NAV3: variants seen among roughly 807,000 people sequenced by gnomAD.
The protein encoded by NAV3 is neuron navigator 3.
NAV3 carries 87 observed loss-of-function variants against 244.7 expected under a neutral mutation model. The observed-to-expected ratio is 0.36, with a 90% confidence interval of 0.30 to 0.42. The LOEUF (loss-of-function observed/expected upper bound fraction) is 0.42. NAV3 is among the 20% of genes least tolerant of loss of function. NAV3 has a pLI of 1.00. For missense variants in NAV3, 2,663 were observed against 2,893.3 expected, an observed-to-expected ratio of 0.92 and a Z score of 1.83; for synonymous variants, 1,126 against 1,042.2, an observed-to-expected ratio of 1.08 and a Z score of -1.55.
chr12:78,108,733 T>C (rs1188772183), intron 12 of NAV3, among the ~76,000 whole-genome samples: 1 of 151,982 alleles, frequency 6.6e-6, no homozygotes. Flanking sequence ...GAAATTAAGC[T>C]GAAAATCAAA....
intron 2 of NAV3, among the ~76,000 whole-genome samples, chr12:77,810,820 A>C (rs1447979139): frequency 6.6e-6 from 1 of 152,214 alleles, no homozygotes; most frequent in Non-Finnish European, 1.5e-5. Flanking sequence ...ATACAAATTA[A>C]GTTGGTTTCT....
rs758144510 is a variant in NAV3 at position 78,119,910 on chromosome 12, C to A, written c.3714C>A (p.Ser1238=). The A allele has an allele frequency of 6.2e-7, 1 of 1,613,910 alleles. No individual in the cohort carries two copies. Among genetic ancestry groups the A allele is most frequent in the South Asian group, 1.1e-5 (1 of 91,074 alleles). Reference sequence around the variant, plus strand: ...CACAAGGTCTCAGGCAGCCAGGATCCAAGTATCCAGATATTGCCTCACCCA... The same window carrying A: ...CACAAGGTCTCAGGCAGCCAGGATCAAAGTATCCAGATATTGCCTCACCCA... ...CGAQGLRQPG[S]KYPDIASPTF... Residue 1238 remains serine (S), a synonymous_variant, in exon 15 of 40, where the codon TCC becomes TCA. Transcript: ENST00000397909.
At chr12:78,152,552 A>G (rs1422547052) in intron 22 of NAV3, among the ~76,000 whole-genome samples, 1 of 151,842 alleles carries the variant, frequency 6.6e-6, no homozygotes, top group Non-Finnish European at 1.5e-5. Context: ...GTCATTTTAG[A>G]TTTCATGCAT....
chr12:77,838,893 T>C (rs1241068098), intron 1 of NAV3, among the ~76,000 whole-genome samples: 1 of 152,198 alleles, frequency 6.6e-6, no homozygotes, highest in Non-Finnish European at 1.5e-5. Context: ...ATGAGGATAA[T>C]AGTTGCTTAT....
chr12:77,780,629 C>A (rs1405682599), intron 2 of NAV3, among the ~76,000 whole-genome samples: 1 of 152,128 alleles, frequency 6.6e-6, no homozygotes, highest in Non-Finnish European at 1.5e-5. Context: ...TGAAGTTAGG[C>A]TCCTGGGTCC....
At chr12:77,975,192 A>C (rs954534062) in intron 5 of NAV3, among the ~76,000 whole-genome samples, 1 of 152,086 alleles carries the variant, frequency 6.6e-6, no homozygotes, top group African/African-American at 2.4e-5. Flanking sequence ...TGCTCCTACC[A>C]CTAGTTTCTA....
rs542361299 is a variant in NAV3, at chr12:77,596,099, G to C, written c.72+23833G>C. On this transcript the variant is annotated intron_variant, in intron 2 of 8. Transcript: ENST00000550042. The stretch of plus-strand genomic sequence containing the variant: ...TCAGATAACTAGTAGTGACAATGAG[G>C]CTGGGCTCTGGGACCAAGCAAATCT... 2.6e-5 allele frequency among the ~76,000 whole-genome samples: 4 copies of C among 152,224 alleles called. No individual in the cohort carries two copies. The East Asian group carries it at 7.7e-4, about 29-fold the overall frequency.
In NAV3 at chr12:77,581,534, A is replaced by T. The variant is rs191716146; in HGVS notation, c.72+9268A>T. On this transcript the variant is annotated intron_variant, in intron 2 of 8. Coordinates refer to the NAV3 transcript ENST00000550042. Reference sequence around the variant, plus strand: ...GTGTATATTTGTATAATGGTAAAGTAGTTCTTTAGTGCACAGTAGGTATAG... The same window carrying T: ...GTGTATATTTGTATAATGGTAAAGTTGTTCTTTAGTGCACAGTAGGTATAG... Among the ~76,000 whole-genome samples, 100 of 152,274 alleles carry T rather than the reference A, an allele frequency of 6.6e-4. 1 individual carries two copies. The highest frequency in any genetic ancestry group is 2.3e-3 in the African/African-American group (96 of 41,572).
rs1350161105 is a variant in NAV3, at chr12:77,691,329, G to GTA, written c.72+119065_72+119066dup. ...TATATAGTCATATATAAGTATTTGT[G>GTA]TATGTGTGTATATATATATATATAT... On this transcript the variant is annotated intron_variant, in intron 2 of 8. Transcript: ENST00000550042. 3.7e-3 allele frequency among the ~76,000 whole-genome samples: 247 copies of GTA among 66,696 alleles called. 21 individuals are homozygous for GTA. The highest frequency in any genetic ancestry group is 0.011 in the Middle Eastern group (1 of 94). 43.8% of individuals were successfully genotyped at this position (66,696 alleles called of 152,430 possible).
intron 5 of NAV3, among the ~76,000 whole-genome samples, chr12:77,994,392 C>T (rs1027478584): frequency 6.6e-6 from 1 of 152,246 alleles, no homozygotes; most frequent in Admixed American, 6.5e-5. Flanking sequence ...TGACTGTCAT[C>T]TCATACTCTT....
At chr12:77,607,880 G>T (rs544804967) in intron 2 of NAV3, among the ~76,000 whole-genome samples, 205 of 152,148 alleles carry the variant, frequency 1.3e-3, no homozygotes, top group Middle Eastern at 3.4e-3. Context: ...TTGTAAAGTT[G>T]CCCCGTAAAT....
At chr12:77,858,878 G>A (rs1878786004) in intron 1 of NAV3, among the ~76,000 whole-genome samples, 1 of 152,092 alleles carries the variant, frequency 6.6e-6, no homozygotes, top group African/African-American at 2.4e-5. Flanking sequence ...TGGATATGCA[G>A]TGCTTAGCAG....
At chr12:77,901,984 G>GT (rs2136928785) in intron 1 of NAV3, among the ~76,000 whole-genome samples, 1 of 152,298 alleles carries the variant, frequency 6.6e-6, no homozygotes, top group African/African-American at 2.4e-5. Flanking sequence ...ACTTGGGGAA[G>GT]AAGATATAGG....
intron 2 of NAV3, among the ~76,000 whole-genome samples, chr12:77,763,824 A>G (rs866974180): frequency 2.0e-5 from 3 of 152,316 alleles, no homozygotes; most frequent in East Asian, 3.9e-4. Context: ...AGCTCTAGAC[A>G]TAATTAGGAA....
chr12:77,811,514 T>C (rs1007402744), intron 2 of NAV3, among the ~76,000 whole-genome samples: 1 of 152,218 alleles, frequency 6.6e-6, no homozygotes, highest in Non-Finnish European at 1.5e-5. Flanking sequence ...TACTAGGCCT[T>C]GTTAGTTTGA....
chr12:77,863,564 T>G (rs888618197), intron 1 of NAV3, among the ~76,000 whole-genome samples: 1 of 151,884 alleles, frequency 6.6e-6, no homozygotes, highest in South Asian at 2.1e-4. Flanking sequence ...TGCAAGATAA[T>G]TTTAAAATTT....
intron 11 of NAV3, chr12:78,052,221 C>G (rs1882859218): frequency 6.6e-6 from 1 of 151,314 alleles, no homozygotes; most frequent in Admixed American, 6.6e-5. Flanking sequence ...GTGACACGAC[C>G]TAAAAAAGAG....
In NAV3 at chr12:78,121,956, G is replaced by T; in HGVS notation, c.3766G>T (p.Ala1256Ser). Reference sequence around the variant, plus strand: ...TTCTTTTAGGTTGTTTGGTGCCAAGGCAGGTGGCAAATCTGCCTCTGCACC... The same window carrying T: ...TTCTTTTAGGTTGTTTGGTGCCAAGTCAGGTGGCAAATCTGCCTCTGCACC... ...PTFRRLFGAK[A>S]GGKSASAPNT... Residue 1256 changes from alanine (A) to serine (S), a missense_variant, in exon 16 of 40, where the codon GCA becomes TCA. By Grantham distance (99) the Ala-to-Ser change is moderately conservative (BLOSUM62 1). Coordinates refer to ENST00000397909, the MANE Select transcript of NAV3 (RefSeq NM_001024383.2). The T allele has an allele frequency of 6.2e-7, 1 of 1,613,710 alleles. No homozygotes were observed. The highest frequency in any genetic ancestry group is 2.2e-5 in the East Asian group (1 of 44,874).
chr12:78,077,972 C>T (rs566076606), intron 12 of NAV3, among the ~76,000 whole-genome samples: 1 of 152,132 alleles, frequency 6.6e-6, no homozygotes, highest in African/African-American at 2.4e-5. Flanking sequence ...TTGTCTCACC[C>T]TTCTGGAGGC....
Sources: gnomAD v4.1 joint callset for allele counts (sites outside exome capture counted in the v4.1 genomes callset) on GRCh38, gnomAD v4.1.1 for gene constraint, MANE v1.5 for transcripts, NCBI Gene and HGNC (gene_info 2026-07-23, HGNC 2026-07-21) for gene names.